The following FARS2 variants were observed in gnomAD, a reference collection of about 807,000 sequenced individuals.
The protein encoded by FARS2 is phenylalanyl-tRNA synthetase 2, mitochondrial.
Under a neutral mutation model 46.4 loss-of-function variants are expected in FARS2, and 40 were observed. That is an observed-to-expected ratio of 0.86 (90% CI 0.67 to 1.12). FARS2 has a LOEUF of 1.12. Among genes scored for constraint, FARS2 ranks in the 50% most tolerant of loss-of-function variants. FARS2 has a pLI of 0.00. For synonymous variants in FARS2, 234 were observed against 214.9 expected, an observed-to-expected ratio of 1.09 and a Z score of -0.78; for missense variants, 513 against 567.9, an observed-to-expected ratio of 0.90 and a Z score of 0.98.
chr6:5,771,142 G>T (rs1171475088), intron 6 of FARS2, 149 bp from the exon 7 acceptor site: 9 of 775,004 alleles, frequency 1.2e-5, no homozygotes, highest in Non-Finnish European at 1.7e-5. Context: ...CCCTGTATAA[G>T]ATGCAGATTG....
rs1765474552 is a variant in FARS2, at chr6:5,465,685, TTGGTA to T, written c.904+34515_904+34519del. Among the ~76,000 whole-genome samples the T allele has an allele frequency of 4.6e-5, 7 of 152,318 alleles. No individual in the cohort carries two copies. In the South Asian group the frequency reaches 1.5e-3, roughly 32 times the overall value. The stretch of plus-strand genomic sequence containing the variant: ...CCTGTGAAAACCAGTCCTATAACCT[TTGGTA>T]TTTGTCAGAAATTATTTGATAAGCA... On this transcript the variant is annotated intron_variant, in intron 4 of 6. Transcript: ENST00000274680.
At chr6:5,725,050 A>T (rs1299962603) in intron 6 of FARS2, among the ~76,000 whole-genome samples, 1 of 152,270 alleles carries the variant, frequency 6.6e-6, no homozygotes. Context: ...CACGTGGAAA[A>T]CAGTCAGCTA....
chr6:5,605,432 G>C (rs1189461844), intron 5 of FARS2, among the ~76,000 whole-genome samples: 2 of 152,192 alleles, frequency 1.3e-5, no homozygotes, highest in Non-Finnish European at 2.9e-5. Flanking sequence ...GCACAGGACA[G>C]AGACAAGGCC....
intron 4 of FARS2, among the ~76,000 whole-genome samples, chr6:5,475,120 GT>G: frequency 6.6e-6 from 1 of 152,320 alleles, no homozygotes; most frequent in East Asian, 1.9e-4. Context: ...GGATATGATT[GT>G]TTGCAGATAG....
rs1277761196 is a variant in FARS2 at position 5,446,202 on chromosome 6, T to TA, written c.904+15045dup. On this transcript the variant is annotated intron_variant, in intron 4 of 6. Transcript: ENST00000274680. Reference sequence around the variant, plus strand: ...TGGGCGACAGAGTGAGACTCCATCTTAAAAAAAAAAAAAAAGAAAATTTTT... The same window carrying TA: ...TGGGCGACAGAGTGAGACTCCATCTTAAAAAAAAAAAAAAAAGAAAATTTTT... Among the ~76,000 whole-genome samples, 1,064 of 136,094 alleles carry TA rather than the reference T, an allele frequency of 7.8e-3. 3 individuals carry two copies. The highest frequency in any genetic ancestry group is 0.022 in the African/African-American group (818 of 36,868). The allele number at this position is 136,094 out of a possible 152,430, so 89.3% of individuals were successfully genotyped here.
At chr6:5,341,212 TATATATATATATATATA>T (rs1256647319) in intron 1 of FARS2, among the ~76,000 whole-genome samples, 87 of 6,494 alleles carry the variant, frequency 0.013, 7 homozygotes, top group Non-Finnish European at 0.021. Context: ...TATATATATA[TATATATATATATATATA>T]TATATATTTT....
rs1365581885 is a variant in FARS2, at chr6:5,727,924, G to A, written c.1218-43367G>A. On this transcript the variant is annotated intron_variant, in intron 6 of 6. Transcript: ENST00000274680. The surrounding 1 kb of genome is among the most constrained non-coding windows in gnomAD (Gnocchi z 4.1). ...CCCGTGCAGCTGGGAGGGCCACCAGGTGAATGACGCTGTTAGAGGGGAAGT... is the reference window on the plus strand; with the variant it reads ...CCCGTGCAGCTGGGAGGGCCACCAGATGAATGACGCTGTTAGAGGGGAAGT... Among the ~76,000 whole-genome samples the A allele has an allele frequency of 6.6e-6, 1 of 152,220 alleles. No individual in the cohort carries two copies. The highest frequency in any genetic ancestry group is 2.4e-5 in the African/African-American group (1 of 41,452).
intron 2 of FARS2, among the ~76,000 whole-genome samples, chr6:5,396,738 G>C (rs1208896964): frequency 2.0e-5 from 3 of 152,210 alleles, no homozygotes; most frequent in Non-Finnish European, 4.4e-5. Flanking sequence ...TGCTACAGCT[G>C]CTGTCAGCAG....
chr6:5,601,542 A>C (rs1389505582), intron 5 of FARS2, among the ~76,000 whole-genome samples: 1 of 110,662 alleles, frequency 9.0e-6, no homozygotes, highest in Non-Finnish European at 2.1e-5. Context: ...AAAAAAAAAA[A>C]AAAAAAAAAG....
chr6:5,502,684 T>G (rs1767870527), intron 4 of FARS2, among the ~76,000 whole-genome samples: 1 of 152,234 alleles, frequency 6.6e-6, no homozygotes, highest in African/African-American at 2.4e-5. Flanking sequence ...TTTCAAAGAA[T>G]GACTTTTCAT....
At chr6:5,435,482 C>CT (rs1763467950) in intron 4 of FARS2, among the ~76,000 whole-genome samples, 1 of 152,194 alleles carries the variant, frequency 6.6e-6, no homozygotes, top group Admixed American at 6.5e-5. Flanking sequence ...TAGCATTTTA[C>CT]TTTATTTCTT....
At chr6:5,678,771 A>G (rs1778887943) in intron 6 of FARS2, among the ~76,000 whole-genome samples, 1 of 152,216 alleles carries the variant, frequency 6.6e-6, no homozygotes, top group Non-Finnish European at 1.5e-5. Context: ...CGTGCTCTTT[A>G]AAGTCTGTGA....
intron 6 of FARS2, among the ~76,000 whole-genome samples, chr6:5,654,183 C>T (rs1231173254): frequency 7.9e-5 from 12 of 152,142 alleles, no homozygotes; most frequent in Admixed American, 5.2e-4. Flanking sequence ...GTGGAAACCA[C>T]GGCTGCCCCA....
intron 4 of FARS2, among the ~76,000 whole-genome samples, chr6:5,433,343 T>G (rs1032006594): frequency 6.6e-6 from 1 of 152,214 alleles, no homozygotes; most frequent in South Asian, 2.1e-4. Flanking sequence ...AAAAATTAAC[T>G]GCTGATGTTG....
intron 2 of FARS2, among the ~76,000 whole-genome samples, chr6:5,404,111 A>G (rs1014451559): frequency 3.3e-5 from 5 of 152,228 alleles, no homozygotes; most frequent in Admixed American, 6.5e-5. Context: ...CCTTGGAGAT[A>G]CAGGACTAGC....
At chr6:5,590,705 T>C (rs1561735744) in intron 5 of FARS2, among the ~76,000 whole-genome samples, 1 of 152,234 alleles carries the variant, frequency 6.6e-6, no homozygotes, top group East Asian at 1.9e-4. Context: ...CTTTGTACAT[T>C]GTACTGAAGC....
At chr6:5,624,723 C>T (rs1030411387) in intron 6 of FARS2, among the ~76,000 whole-genome samples, 11 of 152,160 alleles carry the variant, frequency 7.2e-5, no homozygotes, top group African/African-American at 2.7e-4. Flanking sequence ...GCCCCACCCC[C>T]TCATGATTAG....
At chr6:5,416,736 T>C (rs997803797) in intron 3 of FARS2, among the ~76,000 whole-genome samples, 1 of 152,218 alleles carries the variant, frequency 6.6e-6, no homozygotes, top group African/African-American at 2.4e-5. Context: ...TTTTTATTAT[T>C]CCATTTTATT....
intron 2 of FARS2, among the ~76,000 whole-genome samples, chr6:5,397,604 T>C (rs1760986237): frequency 6.6e-6 from 1 of 152,190 alleles, no homozygotes; most frequent in Non-Finnish European, 1.5e-5. Context: ...CCTAAAACGA[T>C]GCTTAAAAAA....
Sources: gnomAD v4.1 joint callset for allele counts (sites outside exome capture counted in the v4.1 genomes callset) on GRCh38, gnomAD v4.1.1 for gene constraint, Gnocchi (gnomAD v3.1) non-coding constraint, MANE v1.5 for transcripts, NCBI Gene and HGNC (gene_info 2026-07-23, HGNC 2026-07-21) for gene names.